GLIS3: variants seen among roughly 807,000 people sequenced by gnomAD.
The protein encoded by GLIS3 is GLIS family zinc finger 3.
A neutral mutation model predicts 78.6 loss-of-function variants in GLIS3; 53 were observed. That is an observed-to-expected ratio of 0.67 (90% confidence interval 0.54 to 0.85). The LOEUF (loss-of-function observed/expected upper bound fraction) is 0.85. GLIS3 is among the 40% of genes least tolerant of loss of function. The probability of loss-of-function intolerance (pLI) is 0.00; values close to 1 mark genes in which losing one functional copy is unlikely to be tolerated. For synonymous variants in GLIS3, 684 were observed against 509.9 expected (o/e 1.34, Z -4.60); for missense variants, 1,703 against 1,231.1 (o/e 1.38, Z -5.74).
intron 4 of GLIS3, among the ~76,000 whole-genome samples, chr9:4,099,660 C>G (rs1417358987): frequency 6.6e-6 from 1 of 152,132 alleles, no homozygotes; most frequent in Non-Finnish European, 1.5e-5. Flanking sequence ...TAACAAAGTC[C>G]TGCTCCAAAA....
chr9:4,100,123 G>A (rs1351940459), intron 4 of GLIS3, among the ~76,000 whole-genome samples: 1 of 152,192 alleles, frequency 6.6e-6, no homozygotes, highest in Non-Finnish European at 1.5e-5. Context: ...TTCTCAATCT[G>A]ACTTAGTTTT....
At position 3,974,417 on chromosome 9, in the gene GLIS3, T is replaced by C. The variant is rs575765567; in HGVS notation, c.1711-37228A>G. On this transcript the variant is annotated intron_variant, in intron 4 of 10. Transcript: ENST00000381971. Reference sequence around the variant, plus strand: ...CTGGATTACACCTTGTCCACAGATATAAAAAGGTAGTAAGTTCCATAAAGA... The same window carrying C: ...CTGGATTACACCTTGTCCACAGATACAAAAAGGTAGTAAGTTCCATAAAGA... Among the ~76,000 whole-genome samples, 3 of 152,260 alleles carry C rather than the reference T, an allele frequency of 2.0e-5. No homozygotes were observed. In the South Asian group the frequency reaches 6.2e-4, roughly 32 times the overall value.
intron 4 of GLIS3, among the ~76,000 whole-genome samples, chr9:3,976,095 A>G (rs1186618645): frequency 1.3e-5 from 2 of 152,100 alleles, no homozygotes; most frequent in African/African-American, 4.8e-5. Context: ...AACCATCCCT[A>G]GAAGATTTTG....
chr9:4,342,655 G>C (rs920862089), intron 2 of GLIS3, among the ~76,000 whole-genome samples: 4 of 152,158 alleles, frequency 2.6e-5, no homozygotes, highest in African/African-American at 9.7e-5. Context: ...TGGTTTAATA[G>C]GAATAGCATT....
At chr9:4,096,108 G>GA (rs1829925120) in intron 4 of GLIS3, among the ~76,000 whole-genome samples, 1 of 149,238 alleles carries the variant, frequency 6.7e-6, no homozygotes, top group African/African-American at 2.5e-5. Flanking sequence ...AAAATAAGGA[G>GA]AAAAAAACAA....
At chr9:4,020,843 C>G (rs747590561) in intron 4 of GLIS3, among the ~76,000 whole-genome samples, 1 of 152,174 alleles carries the variant, frequency 6.6e-6, no homozygotes, top group African/African-American at 2.4e-5. Flanking sequence ...GCCACCCTGA[C>G]GTAAGCAAAT....
At chr9:4,389,304 G>A in the GLIS3 span, among the ~76,000 whole-genome samples, 2 of 152,172 alleles carry the variant, frequency 1.3e-5, no homozygotes, top group Non-Finnish European at 2.9e-5. Context: ...CTTCATCTAG[G>A]TTGCTAATTC....
rs534291247 is a variant in GLIS3, at chr9:4,173,073, G to A, written c.389-47132C>T. Among the ~76,000 whole-genome samples, 335 of 152,202 alleles carry A rather than the reference G, an allele frequency of 2.2e-3. 1 individual carries two copies. The highest frequency in any genetic ancestry group is 2.9e-3 in the Non-Finnish European group (195 of 68,014). On this transcript the variant is annotated intron_variant, in intron 2 of 10. Transcript: ENST00000381971. ...CACAGCTGTGGGCCACATTCCACCC[G>A]TGGAGTTGGAACCTCGCCTCTAAAT...
chr9:3,953,795 C>CTCTCTCTATATATATATATATA (rs1403671770), intron 4 of GLIS3, among the ~76,000 whole-genome samples: 2 of 73,342 alleles, frequency 2.7e-5, no homozygotes, highest in African/African-American at 1.1e-4. Flanking sequence ...CTCTCTCTCT[C>CTCTCTCTATATATATATATATA]TATATATATA....
At chr9:3,986,002 T>C (rs1819713482) in intron 4 of GLIS3, among the ~76,000 whole-genome samples, 1 of 152,200 alleles carries the variant, frequency 6.6e-6, no homozygotes, top group South Asian at 2.1e-4. Flanking sequence ...GTCATGCTAA[T>C]TAAAAAGAAA....
intron 2 of GLIS3, among the ~76,000 whole-genome samples, chr9:4,144,395 G>GA (rs1346632250): frequency 6.6e-6 from 1 of 152,178 alleles, no homozygotes; most frequent in Admixed American, 6.5e-5. Context: ...GAGGGCGAGG[G>GA]AAAAAAAGGC....
chr9:4,264,892 C>A (rs1044037557), intron 2 of GLIS3, among the ~76,000 whole-genome samples: 2 of 152,054 alleles, frequency 1.3e-5, no homozygotes, highest in East Asian at 1.9e-4. Flanking sequence ...TTCGGCCAGG[C>A]ACAGTGGCTC....
chr9:4,276,157 C>A (rs1448780454), intron 2 of GLIS3, among the ~76,000 whole-genome samples: 4 of 151,006 alleles, frequency 2.6e-5, no homozygotes, highest in Admixed American at 6.6e-5. Context: ...GTGACACATG[C>A]CTGTGGTCCC....
At chr9:4,425,074 C>A in the GLIS3 span, among the ~76,000 whole-genome samples, 1 of 152,074 alleles carries the variant, frequency 6.6e-6, no homozygotes. Context: ...GAGGAGTCAT[C>A]CTGGATCATG....
the GLIS3 span, among the ~76,000 whole-genome samples, chr9:4,459,689 C>T: frequency 6.6e-6 from 1 of 152,128 alleles, no homozygotes; most frequent in African/African-American, 2.4e-5. Context: ...TGCTTGAGCC[C>T]AGGAGGTCAA....
intron 2 of GLIS3, among the ~76,000 whole-genome samples, chr9:4,191,272 C>T (rs1308711685): frequency 2.0e-5 from 3 of 152,144 alleles, no homozygotes; most frequent in Non-Finnish European, 4.4e-5. Flanking sequence ...CATCAGTGTG[C>T]TGTATTTAGG....
intron 4 of GLIS3, among the ~76,000 whole-genome samples, chr9:4,025,202 A>G (rs539013635): frequency 6.6e-6 from 1 of 152,222 alleles, no homozygotes; most frequent in South Asian, 2.1e-4. Context: ...CAGTGAGCCA[A>G]GATGGCGGCA....
rs1002171502 is a variant in GLIS3, at chr9:3,824,835, T to C, written c.*3437A>G. 1.3e-5 allele frequency: 2 copies of C among 151,686 alleles called. No homozygotes were observed. The highest frequency in any genetic ancestry group is 2.9e-5 in the Non-Finnish European group (2 of 67,932). The allele number at this position is 151,686 out of a possible 1,614,324, so 9.4% of individuals were successfully genotyped here. A position where few individuals can be genotyped will look rare whatever the true frequency, so the allele number is the denominator to read the frequency against. On this transcript the variant is annotated 3_prime_UTR_variant, in exon 11 of 11. Transcript: ENST00000381971. ...TTTATGTCAGCAACATTACACAGGA[T>C]ACTTTGCTGTCTGTACAAAATAAAT...
At chr9:3,928,807 C>CA (rs1351923081) in intron 6 of GLIS3, among the ~76,000 whole-genome samples, 1 of 152,180 alleles carries the variant, frequency 6.6e-6, no homozygotes, top group Non-Finnish European at 1.5e-5. Context: ...GTTTAACAAA[C>CA]ATTTAACAAA....
Sources: gnomAD v4.1 joint callset for allele counts (sites outside exome capture counted in the v4.1 genomes callset) on GRCh38, gnomAD v4.1.1 for gene constraint, MANE v1.5 for transcripts, NCBI Gene and HGNC (gene_info 2026-07-23, HGNC 2026-07-21) for gene names.